The following ORC3 variants were observed in gnomAD, a reference collection of about 807,000 sequenced individuals.
ORC3 encodes origin recognition complex subunit 3.
A neutral mutation model predicts 100.7 loss-of-function variants in ORC3; 78 were observed. The observed-to-expected ratio is 0.77, with a 90% CI of 0.65 to 0.94. ORC3 has a LOEUF of 0.94. Among genes scored for constraint, ORC3 ranks in the 40% least tolerant of loss-of-function variants. The pLI is 0.00. For synonymous variants in ORC3, 295 were observed against 289.3 expected (o/e 1.02, Z -0.20); for missense variants, 789 against 823.9 (o/e 0.96, Z 0.52).
chr6:87,617,916 T>G (rs1234534570), intron 9 of ORC3, among the ~76,000 whole-genome samples: 1 of 152,132 alleles, frequency 6.6e-6, no homozygotes, highest in Non-Finnish European at 1.5e-5. Flanking sequence ...ATGTATCTTT[T>G]CCTCCCAACT....
chr6:87,597,780 C>T (rs1373008162), intron 2 of ORC3, among the ~76,000 whole-genome samples: 2 of 151,474 alleles, frequency 1.3e-5, no homozygotes, highest in African/African-American at 4.9e-5. Flanking sequence ...TCCTGAACTC[C>T]TGAGTTCAAG....
chr6:87,627,297 CTTTTTT>C (rs71554739), intron 11 of ORC3, among the ~76,000 whole-genome samples: 1 of 113,430 alleles, frequency 8.8e-6, no homozygotes, highest in African/African-American at 3.5e-5. Flanking sequence ...CCGCGCCCAG[CTTTTTT>C]TTTTTTTTTT....
chr6:87,635,219 A>C (rs1217816464), intron 12 of ORC3, among the ~76,000 whole-genome samples: 1 of 152,210 alleles, frequency 6.6e-6, no homozygotes, highest in Admixed American at 6.5e-5. Context: ...AAGGCATTTG[A>C]ACTTTCCTTC....
At chr6:87,652,702 A>G (rs909903709) in intron 13 of ORC3, among the ~76,000 whole-genome samples, 2 of 152,246 alleles carry the variant, frequency 1.3e-5, no homozygotes, top group African/African-American at 4.8e-5. Context: ...TTAAATGCCT[A>G]CTGTGTGGTA....
intron 2 of ORC3, 111 bp downstream of exon 2, chr6:87,594,518 T>A: frequency 7.2e-7 from 1 of 1,397,630 alleles, no homozygotes; most frequent in Non-Finnish European, 9.4e-7. Context: ...ACTTGCCATG[T>A]TGATGTAGCA....
At chr6:87,602,859 C>T (rs182100346) in intron 3 of ORC3, among the ~76,000 whole-genome samples, 91 of 146,914 alleles carry the variant, frequency 6.2e-4, no homozygotes, top group African/African-American at 2.2e-3. Context: ...TGGTGCTCCC[C>T]ATAGGACAAA....
intron 14 of ORC3, 88 bp downstream of exon 14, chr6:87,653,337 A>G (rs999409773): frequency 8.8e-7 from 1 of 1,137,794 alleles, no homozygotes. Flanking sequence ...TGATGTGCTT[A>G]GAGATAAAGA....
At chr6:87,618,069 C>G (rs148880455) in intron 9 of ORC3, among the ~76,000 whole-genome samples, 194 of 152,224 alleles carry the variant, frequency 1.3e-3, no homozygotes, top group African/African-American at 3.9e-3. Context: ...TTGTCAAGAA[C>G]CTATTGTCAA....
intron 1 of ORC3, among the ~76,000 whole-genome samples, 194 bp downstream of exon 1, chr6:87,590,386 C>T (rs187795985): frequency 2.7e-4 from 41 of 152,300 alleles, no homozygotes; most frequent in Admixed American, 6.5e-4. Context: ...GCGGATCTGC[C>T]TTGTGGTATG....
At chr6:87,611,513 A>G (rs1033541878) in intron 7 of ORC3, among the ~76,000 whole-genome samples, 4 of 152,104 alleles carry the variant, frequency 2.6e-5, no homozygotes, top group Non-Finnish European at 4.4e-5. Flanking sequence ...CGGCCCGGGC[A>G]TGGTGGCTCA....
At chr6:87,650,497 T>C (rs1034387917) in intron 13 of ORC3, among the ~76,000 whole-genome samples, 1 of 152,246 alleles carries the variant, frequency 6.6e-6, no homozygotes, top group African/African-American at 2.4e-5. Flanking sequence ...TCCAGAATGA[T>C]GCTGAATAAT....
intron 7 of ORC3, among the ~76,000 whole-genome samples, chr6:87,610,996 A>G (rs1399785437): frequency 7.3e-6 from 1 of 136,904 alleles, no homozygotes; most frequent in East Asian, 2.1e-4. Flanking sequence ...GAGCGCAGTG[A>G]CATGATCTTG....
intron 17 of ORC3, 88 bp from the exon 18 acceptor site, chr6:87,664,655 C>T (rs1344233101): frequency 7.2e-6 from 7 of 971,294 alleles, no homozygotes; most frequent in Non-Finnish European, 9.7e-6. Context: ...CTGGTTTACT[C>T]AGTTTAGGTT....
chr6:87,658,007 C>T lies in ORC3; in HGVS notation c.1680C>T (p.Asp560=). ...GAGAAAATGTTGTGAACTTCATTGA[C>T]TGTCTAGTGAGGTAAGTCTAAATTT... ...VLRENVVNFI[D]CLVREYLLPP... Residue 560 remains aspartate (D), a synonymous_variant, in exon 16 of 20, where the codon GAC becomes GAT. Coordinates refer to ENST00000392844, the MANE Select transcript of ORC3 (RefSeq NM_012381.4). The T allele has an allele frequency of 6.3e-7, 1 of 1,585,190 alleles. No homozygotes were observed. The highest frequency in any genetic ancestry group is 8.7e-7 in the Non-Finnish European group (1 of 1,154,298).
At chr6:87,602,243 C>CA (rs1331648949) in intron 3 of ORC3, among the ~76,000 whole-genome samples, 3 of 151,740 alleles carry the variant, frequency 2.0e-5, no homozygotes, top group African/African-American at 7.3e-5. Context: ...AAAACAAAAA[C>CA]AAAAAAAACT....
At chr6:87,611,903 G>A (rs762178781) in intron 7 of ORC3, among the ~76,000 whole-genome samples, 186 bp from the exon 8 acceptor site, 1 of 152,176 alleles carries the variant, frequency 6.6e-6, no homozygotes, top group Non-Finnish European at 1.5e-5. Flanking sequence ...TGTCTGGAAA[G>A]TAATTATTTC....
intron 13 of ORC3, among the ~76,000 whole-genome samples, chr6:87,646,286 A>G (rs541934845): frequency 1.2e-4 from 18 of 152,168 alleles, no homozygotes; most frequent in African/African-American, 4.1e-4. Flanking sequence ...GTGCTCTGCC[A>G]ATTGTGAAGT....
At chr6:87,677,735 T>C in the ORC3 span, 13 of 1,479,372 alleles carry the variant, frequency 8.8e-6, no homozygotes, top group Middle Eastern at 4.4e-4. Flanking sequence ...CACCAGTGTA[T>C]AGAAAGTGAA....
intron 9 of ORC3, among the ~76,000 whole-genome samples, chr6:87,616,668 G>T (rs1779174248): frequency 6.6e-6 from 1 of 152,162 alleles, no homozygotes; most frequent in African/African-American, 2.4e-5. Flanking sequence ...TAACCATTTT[G>T]GGGGTAGGGG....
Sources: allele counts gnomAD v4.1 joint callset (sites outside exome capture counted in the v4.1 genomes callset), GRCh38; gene constraint gnomAD v4.1.1; transcripts MANE v1.5; gene names NCBI Gene and HGNC (gene_info 2026-07-23, HGNC 2026-07-21).